DENND1B: variants seen among roughly 807,000 people sequenced by gnomAD.
DENND1B encodes the protein DENN domain containing 1B.
DENND1B carries 59 observed loss-of-function variants against 90.1 expected under a neutral mutation model. The ratio of observed to expected loss-of-function variants is 0.65; its 90% CI spans 0.53 to 0.81. The LOEUF is 0.81. DENND1B is among the 40% of genes least tolerant of loss of function. The probability of loss-of-function intolerance (pLI) is 0.00; values close to 1 mark genes in which losing one functional copy is unlikely to be tolerated. For synonymous variants in DENND1B, 337 were observed against 324.6 expected, an observed-to-expected ratio of 1.04 and a Z score of -0.41; for missense variants, 862 against 912.6, an observed-to-expected ratio of 0.94 and a Z score of 0.71.
intron 15 of DENND1B, among the ~76,000 whole-genome samples, chr1:197,582,298 T>C (rs770139740): frequency 2.0e-5 from 3 of 152,178 alleles, no homozygotes; most frequent in African/African-American, 4.8e-5. Context: ...TTGAGTGATA[T>C]AGTATCTTCC....
chr1:197,583,775 C>T (rs1216909390), intron 14 of DENND1B, among the ~76,000 whole-genome samples: 1 of 152,190 alleles, frequency 6.6e-6, no homozygotes, highest in Non-Finnish European at 1.5e-5. Context: ...TTGGGATCTG[C>T]TTTCATTAAT....
intron 9 of DENND1B, among the ~76,000 whole-genome samples, chr1:197,645,262 T>TA (rs575685224): frequency 1.3e-3 from 201 of 152,132 alleles, no homozygotes; most frequent in African/African-American, 4.5e-3. Context: ...ACAAGGAATA[T>TA]AAAATACTAT....
Position 197,672,113 on chromosome 1 carries a change from T to C in DENND1B, c.220A>G (p.Thr74Ala), listed in dbSNP as rs1449421419. ...AATCTCTGTTTACTTTCAATGTCTG[T>C]CAGTACAAAGGTAAAGTGCTGTCCA... The part of the protein sequence containing the change: ...QVGQHFTFVL[T>A]DIESKQRFGF... Residue 74 changes from threonine to alanine, a missense_variant, in exon 5 of 23, where the codon ACA (threonine) becomes GCA (alanine). Physicochemically the swap from Thr to Ala is moderately conservative, Grantham distance 58. Transcript: ENST00000620048. 1 of 1,612,744 alleles carries C rather than the reference T, an allele frequency of 6.2e-7. No individual in the cohort carries two copies. Among genetic ancestry groups the C allele is most frequent in the Admixed American group, 1.7e-5 (1 of 59,868 alleles).
Position 197,582,653 on chromosome 1 carries a change from C to T in DENND1B, c.1149+499G>A, listed in dbSNP as rs572795197. Reference sequence around the variant, plus strand: ...GAAATAGCAATTATATTTTCTGAACCAAAAATCAGGACAAACAGCATAACT... The same window carrying T: ...GAAATAGCAATTATATTTTCTGAACTAAAAATCAGGACAAACAGCATAACT... On this transcript the variant is annotated intron_variant, in intron 15 of 22. Transcript: ENST00000620048. Among the ~76,000 whole-genome samples, 66 of 152,016 alleles carry T rather than the reference C, an allele frequency of 4.3e-4. 1 individual carries two copies. Among genetic ancestry groups the T allele is most frequent in the Non-Finnish European group, 4.7e-4 (32 of 67,942 alleles).
intron 10 of DENND1B, among the ~76,000 whole-genome samples, chr1:197,628,486 A>G (rs998148624): frequency 6.6e-6 from 1 of 152,236 alleles, no homozygotes; most frequent in African/African-American, 2.4e-5. Context: ...TAGAAAGCTG[A>G]AACTGGATCC....
At position 197,512,853 on chromosome 1, in the gene DENND1B, C is replaced by T. The variant is rs1005135492; in HGVS notation, c.1598+18G>A. On this transcript the variant is annotated intron_variant, in intron 21 of 22. Transcript: ENST00000620048. ...TTAAGCCATTCCACTTAATAGGACA[C>T]CAAAATCCATTACTTACTTGCTTGC... 1 of 1,608,338 alleles carries T rather than the reference C, an allele frequency of 6.2e-7. No individual in the cohort carries two copies. The highest frequency in any genetic ancestry group is 1.7e-5 in the Admixed American group (1 of 59,498).
intron 20 of DENND1B, among the ~76,000 whole-genome samples, chr1:197,515,607 A>G (rs1285213060): frequency 6.6e-6 from 1 of 151,838 alleles, no homozygotes; most frequent in African/African-American, 2.4e-5. Flanking sequence ...ATTGCTATCA[A>G]TTAAAATCAC....
At chr1:197,546,291 A>C (rs1051426508) in intron 17 of DENND1B, among the ~76,000 whole-genome samples, 1 of 152,162 alleles carries the variant, frequency 6.6e-6, no homozygotes, top group Non-Finnish European at 1.5e-5. Context: ...AATATATTTA[A>C]AGCTTAATAA....
intron 20 of DENND1B, among the ~76,000 whole-genome samples, chr1:197,523,923 T>C (rs1045645341): frequency 6.7e-6 from 1 of 148,280 alleles, no homozygotes; most frequent in Admixed American, 6.9e-5. Flanking sequence ...CATGAATAGA[T>C]GGAACGATAG....
chr1:197,548,182 TAAAAAAG>T (rs900410788), intron 16 of DENND1B, among the ~76,000 whole-genome samples: 28 of 152,338 alleles, frequency 1.8e-4, no homozygotes, highest in African/African-American at 6.5e-4. Context: ...ATGAGGAATT[TAAAAAAG>T]CTAATTTTCA....
chr1:197,552,858 A>G, intron 16 of DENND1B, 164 bp downstream of exon 16: 4 of 1,388,316 alleles, frequency 2.9e-6, no homozygotes, highest in Non-Finnish European at 2.8e-6. Flanking sequence ...AGGCAAAATA[A>G]GCTAATTCCA....
intron 2 of DENND1B, among the ~76,000 whole-genome samples, chr1:197,762,416 G>C (rs925503900): frequency 3.3e-5 from 5 of 152,022 alleles, no homozygotes; most frequent in African/African-American, 7.2e-5. Flanking sequence ...ACAGGTGCCC[G>C]CCACCAAGCT....
rs538133268 is a variant in DENND1B at position 197,745,843 on chromosome 1, C to A, written c.82+27025G>T. Among the ~76,000 whole-genome samples the A allele has an allele frequency of 1.6e-4, 25 of 151,870 alleles. No homozygotes were observed. In the South Asian group the frequency reaches 5.2e-3, roughly 32 times the overall value. On this transcript the variant is annotated intron_variant, in intron 2 of 22. Coordinates refer to ENST00000620048, the MANE Select transcript of DENND1B (RefSeq NM_001195215.2). ...ATCATCTTCCAAATACTACATTCTG[C>A]CCCTTTCTTTATTGTAACAGTTTAT...
At chr1:197,725,994 A>G (rs987642118) in intron 2 of DENND1B, among the ~76,000 whole-genome samples, 2 of 151,778 alleles carry the variant, frequency 1.3e-5, no homozygotes, top group Admixed American at 6.6e-5. Flanking sequence ...AGATATATAT[A>G]TATACATATA....
At chr1:197,738,332 C>T (rs1266258793) in intron 2 of DENND1B, among the ~76,000 whole-genome samples, 1 of 152,208 alleles carries the variant, frequency 6.6e-6, no homozygotes, top group Non-Finnish European at 1.5e-5. Context: ...ATTAAATCCA[C>T]ATAGAGAATG....
intron 5 of DENND1B, among the ~76,000 whole-genome samples, chr1:197,668,246 A>G (rs1004155891): frequency 3.3e-5 from 5 of 152,070 alleles, no homozygotes; most frequent in Non-Finnish European, 7.4e-5. Context: ...TTGCTGCATT[A>G]TTCATTTATT....
At chr1:197,678,567 G>A (rs935261744) in intron 3 of DENND1B, among the ~76,000 whole-genome samples, 2 of 151,958 alleles carry the variant, frequency 1.3e-5, no homozygotes. Flanking sequence ...TGAGATTCCC[G>A]AACAGCACTT....
rs530970997 is a variant in DENND1B, at chr1:197,727,168, G to T, written c.83-12094C>A. On this transcript the variant is annotated intron_variant, in intron 2 of 22. Coordinates refer to ENST00000620048, the MANE Select transcript of DENND1B (RefSeq NM_001195215.2). The stretch of plus-strand genomic sequence containing the variant: ...TGGCAAAAAGAATCATTTCCTTGAA[G>T]GGGCAGAAAACTATTAGTCTGAACA... Among the ~76,000 whole-genome samples, 316 of 152,200 alleles carry T rather than the reference G, an allele frequency of 2.1e-3. 2 individuals are homozygous for T. The highest frequency in any genetic ancestry group is 7.3e-3 in the African/African-American group (303 of 41,524).
intron 20 of DENND1B, among the ~76,000 whole-genome samples, chr1:197,527,939 C>T (rs574325403): frequency 2.0e-5 from 3 of 152,148 alleles, no homozygotes; most frequent in African/African-American, 7.2e-5. Context: ...CCAAAGATCC[C>T]AACAAGTATA....
Sources: allele counts gnomAD v4.1 joint callset (sites outside exome capture counted in the v4.1 genomes callset), GRCh38; gene constraint gnomAD v4.1.1; transcripts MANE v1.5; gene names NCBI Gene and HGNC (gene_info 2026-07-23, HGNC 2026-07-21).